Variants in CCDC68 observed in about 807,000 individuals in gnomAD.
CCDC68 encodes coiled-coil domain containing 68.
In CCDC68, 45 loss-of-function variants were observed where a neutral mutation model predicts 47.1. That is an observed-to-expected ratio of 0.96 (90% CI 0.75 to 1.23). The LOEUF is 1.23. CCDC68 is among the 50% of genes most tolerant of loss of function. The pLI is 0.00. For synonymous variants in CCDC68, 131 were observed against 129.5 expected, an observed-to-expected ratio of 1.01 and a Z score of -0.08; for missense variants, 353 against 373.6, an observed-to-expected ratio of 0.94 and a Z score of 0.45.
chr18:54,930,964 C>G, intron 7 of CCDC68, among the ~76,000 whole-genome samples: 1 of 151,428 alleles, frequency 6.6e-6, no homozygotes, highest in Non-Finnish European at 1.5e-5. Flanking sequence ...GTGATCCACC[C>G]GCCTTGGCCT....
intron 7 of CCDC68, among the ~76,000 whole-genome samples, chr18:54,930,782 G>A (rs746619900): frequency 1.8e-4 from 27 of 149,372 alleles, no homozygotes; most frequent in Middle Eastern, 3.2e-3. Flanking sequence ...GCAATGGTGC[G>A]ATCCTGGCTC....
chr18:54,948,879 A>G (rs893046753), intron 1 of CCDC68, among the ~76,000 whole-genome samples: 2 of 152,248 alleles, frequency 1.3e-5, no homozygotes, highest in African/African-American at 4.8e-5. Flanking sequence ...TGAGCAAAAG[A>G]TGAAGAAAAT....
chr18:54,953,448 G>T (rs2044652471), intron 1 of CCDC68, among the ~76,000 whole-genome samples: 1 of 151,692 alleles, frequency 6.6e-6, no homozygotes, highest in Non-Finnish European at 1.5e-5. Flanking sequence ...AAATTAATTG[G>T]ATTTGTTTTT....
rs556940334 is a variant in CCDC68 at position 54,919,752 on chromosome 18, G to A, written c.684-376C>T. 7.9e-4 allele frequency among the ~76,000 whole-genome samples: 120 copies of A among 152,314 alleles called. 1 individual carries two copies. In the South Asian group the frequency reaches 0.025, roughly 31 times the overall value. On this transcript the variant is annotated intron_variant, in intron 8 of 11. Coordinates refer to ENST00000591504, the MANE Select transcript of CCDC68 (RefSeq NM_025214.3). ...CTTCACAGACAATTGCATGCCAATA[G>A]CAGAGTCAGAACATGGGAGCAGAAA...
At chr18:54,907,907 A>G in intron 10 of CCDC68, 45 bp from the exon 11 acceptor site, 4 of 1,045,856 alleles carry the variant, frequency 3.8e-6, no homozygotes, top group Non-Finnish European at 6.0e-6. Flanking sequence ...TAACACATTT[A>G]TTAGCTACAC....
At chr18:54,953,232 G>T (rs1448865920) in intron 1 of CCDC68, among the ~76,000 whole-genome samples, 1 of 152,176 alleles carries the variant, frequency 6.6e-6, no homozygotes, top group Non-Finnish European at 1.5e-5. Context: ...TAGGACTTTG[G>T]AGTGGGGGAA....
intron 10 of CCDC68, among the ~76,000 whole-genome samples, chr18:54,908,490 G>A (rs1914144124): frequency 6.6e-6 from 1 of 152,196 alleles, no homozygotes; most frequent in Non-Finnish European, 1.5e-5. Flanking sequence ...AAGAACAGGA[G>A]TGGTTAGAGC....
chr18:54,931,152 T>C (rs573794120), intron 7 of CCDC68, among the ~76,000 whole-genome samples: 1 of 152,302 alleles, frequency 6.6e-6, no homozygotes, highest in Non-Finnish European at 1.5e-5. Flanking sequence ...TCTTGGTTAA[T>C]GGATTTTCAT....
At chr18:54,929,353 A>G (rs1037840832) in intron 7 of CCDC68, among the ~76,000 whole-genome samples, 4 of 152,238 alleles carry the variant, frequency 2.6e-5, no homozygotes, top group African/African-American at 9.6e-5. Flanking sequence ...TTTTTGATGA[A>G]GGATCAAGGC....
chr18:54,907,148 G>C (rs1914059079), intron 11 of CCDC68, among the ~76,000 whole-genome samples: 2 of 152,070 alleles, frequency 1.3e-5, no homozygotes, highest in Admixed American at 6.5e-5. Flanking sequence ...TAATTTCATG[G>C]GGTTTGTGGA....
rs1036110107 is a variant in CCDC68, at chr18:54,903,692, TAAG to T, written c.*663_*665del. The T allele has an allele frequency of 6.6e-6, 1 of 152,170 alleles. No individual in the cohort carries two copies. Among genetic ancestry groups the T allele is most frequent in the Non-Finnish European group, 1.5e-5 (1 of 68,032 alleles). The allele number at this position is 152,170 out of a possible 1,614,324, so 9.4% of individuals were successfully genotyped here. ...AGAAACCAATTTTTAATCCCAGAACTAAGAAGAACAGTCATTCTCTGATGTGTG... is the reference window on the plus strand; with the variant it reads ...AGAAACCAATTTTTAATCCCAGAACTAAGAACAGTCATTCTCTGATGTGTG... On this transcript the variant is annotated 3_prime_UTR_variant, in exon 12 of 12. Coordinates refer to ENST00000591504, the MANE Select transcript of CCDC68 (RefSeq NM_025214.3).
chr18:54,926,657 T>G (rs2044150340), intron 8 of CCDC68, among the ~76,000 whole-genome samples: 1 of 152,222 alleles, frequency 6.6e-6, no homozygotes, highest in African/African-American at 2.4e-5. Flanking sequence ...AATGGCTTTT[T>G]GCTAGTCGTC....
At chr18:54,916,099 C>A (rs2043946922) in intron 10 of CCDC68, among the ~76,000 whole-genome samples, 1 of 152,152 alleles carries the variant, frequency 6.6e-6, no homozygotes, top group African/African-American at 2.4e-5. Flanking sequence ...ATCACATAAT[C>A]TGAAGGTCCC....
At chr18:54,958,101 T>C (rs2044744576) in intron 1 of CCDC68, 1 of 152,260 alleles carries the variant, frequency 6.6e-6, no homozygotes, top group South Asian at 2.1e-4. Context: ...CAATTTATTT[T>C]GTAAATAACA....
rs759466735 is a variant in CCDC68, at chr18:54,950,788, G to GTATATATA, written c.-102-5319_-102-5312dup. The stretch of plus-strand genomic sequence containing the variant: ...CTGTGTTATTGTTATTATCTTCAGT[G>GTATATATA]TATATATATATATATGATGCAATAA... On this transcript the variant is annotated intron_variant, in intron 1 of 11. Transcript: ENST00000591504. 9.8e-4 allele frequency among the ~76,000 whole-genome samples: 95 copies of GTATATATA among 97,334 alleles called. 3 individuals are homozygous for GTATATATA. The South Asian group carries it at 0.013, about 14-fold the overall frequency. The allele number at this position is 97,334 out of a possible 152,430, so 63.9% of individuals were successfully genotyped here.
At chr18:54,947,616 T>A (rs1370611943) in intron 1 of CCDC68, among the ~76,000 whole-genome samples, 1 of 152,212 alleles carries the variant, frequency 6.6e-6, no homozygotes, top group Admixed American at 6.5e-5. Flanking sequence ...GGGTTGTTCA[T>A]GAGTTAATAT....
chr18:54,914,228 A>T (rs748979607), intron 10 of CCDC68, among the ~76,000 whole-genome samples: 17 of 152,222 alleles, frequency 1.1e-4, no homozygotes, highest in Non-Finnish European at 2.1e-4. Context: ...TGTGAAGGAA[A>T]GATTTATCTG....
intron 10 of CCDC68, among the ~76,000 whole-genome samples, chr18:54,911,083 C>A (rs1568132916): frequency 1.3e-5 from 2 of 152,218 alleles, no homozygotes; most frequent in Admixed American, 1.3e-4. Flanking sequence ...GCAATAGACC[C>A]TCCAGATGGC....
chr18:54,918,708 T>C (rs950509740), intron 9 of CCDC68, among the ~76,000 whole-genome samples: 2 of 152,156 alleles, frequency 1.3e-5, no homozygotes, highest in African/African-American at 2.4e-5. Flanking sequence ...GGCAGTAAAG[T>C]ACCTGAATAG....
Sources: allele counts gnomAD v4.1 joint callset (sites outside exome capture counted in the v4.1 genomes callset), GRCh38; gene constraint gnomAD v4.1.1; transcripts MANE v1.5; gene names NCBI Gene and HGNC (gene_info 2026-07-23, HGNC 2026-07-21).